Variants in TLL1 observed in about 807,000 individuals in gnomAD.
TLL1 encodes tolloid like 1.
A neutral mutation model predicts 128.2 loss-of-function variants in TLL1; 49 were observed. The observed-to-expected ratio is 0.38, with a 90% CI of 0.30 to 0.48. The LOEUF is 0.48. Ranked by LOEUF, TLL1 falls within the 20% of genes least tolerant of loss-of-function variation. The pLI, the probability that TLL1 is intolerant of heterozygous loss-of-function variation, is 0.96. For synonymous variants in TLL1, 454 were observed against 418.8 expected, an observed-to-expected ratio of 1.08 and a Z score of -1.03; for missense variants, 1,123 against 1,242.0, an observed-to-expected ratio of 0.90 and a Z score of 1.44.
chr4:166,026,687 CA>C (rs952505055), intron 9 of TLL1, among the ~76,000 whole-genome samples: 83 of 136,116 alleles, frequency 6.1e-4, no homozygotes, highest in Admixed American at 8.2e-4. Context: ...AACTCTGTCT[CA>C]AAAAAAAAAA....
At chr4:166,079,633 T>C (rs957094409) in intron 18 of TLL1, among the ~76,000 whole-genome samples, 1 of 152,148 alleles carries the variant, frequency 6.6e-6, no homozygotes, top group Non-Finnish European at 1.5e-5. Context: ...TTCTGTTTAG[T>C]AATTTTTTGG....
At chr4:165,895,431 T>C (rs1007330023) in intron 1 of TLL1, among the ~76,000 whole-genome samples, 2 of 151,958 alleles carry the variant, frequency 1.3e-5, no homozygotes, top group Non-Finnish European at 2.9e-5. Context: ...TAAGGATAAA[T>C]CTTTCAAAGT....
intron 1 of TLL1, among the ~76,000 whole-genome samples, chr4:165,898,849 G>T (rs909675012): frequency 2.6e-5 from 4 of 152,232 alleles, no homozygotes; most frequent in Non-Finnish European, 5.9e-5. Flanking sequence ...CTGTGAATCT[G>T]TCTGGTCCTG....
At chr4:165,897,133 A>T (rs1242954511) in intron 1 of TLL1, among the ~76,000 whole-genome samples, 1 of 152,038 alleles carries the variant, frequency 6.6e-6, no homozygotes, top group East Asian at 1.9e-4. Context: ...GATTCTGAAT[A>T]TTAGCCCTTG....
chr4:166,052,051 A>C (rs527649180), intron 12 of TLL1, among the ~76,000 whole-genome samples: 14 of 152,278 alleles, frequency 9.2e-5, no homozygotes, highest in African/African-American at 2.9e-4. Flanking sequence ...TTGTATATCT[A>C]TTAAAGGAAT....
At chr4:166,041,365 A>G (rs1429186970) in intron 10 of TLL1, among the ~76,000 whole-genome samples, 3 of 146,946 alleles carry the variant, frequency 2.0e-5, no homozygotes, top group Non-Finnish European at 4.5e-5. Context: ...CAGTGGTGCC[A>G]TCTCGGCTCA....
chr4:166,071,962 A>G (rs927377868), intron 16 of TLL1, among the ~76,000 whole-genome samples: 2 of 152,034 alleles, frequency 1.3e-5, no homozygotes, highest in Non-Finnish European at 2.9e-5. Context: ...AGTGCAAAAT[A>G]CCAAAATTTT....
At chr4:165,948,601 G>T (rs571920647) in intron 1 of TLL1, among the ~76,000 whole-genome samples, 1 of 152,110 alleles carries the variant, frequency 6.6e-6, no homozygotes, top group Non-Finnish European at 1.5e-5. Context: ...GCAGTGCAGG[G>T]CCTCACATGG....
chr4:166,036,058 A>G (rs1738983200), intron 9 of TLL1, among the ~76,000 whole-genome samples: 1 of 152,200 alleles, frequency 6.6e-6, no homozygotes, highest in African/African-American at 2.4e-5. Flanking sequence ...TACATTCTGT[A>G]TCTTCAGCCT....
At chr4:165,989,013 C>A (rs1450317116) in intron 1 of TLL1, among the ~76,000 whole-genome samples, 2 of 152,108 alleles carry the variant, frequency 1.3e-5, no homozygotes, top group Non-Finnish European at 2.9e-5. Context: ...TGAAGACCTG[C>A]TGCTGGTCAT....
chr4:165,933,794 G>A (rs17689702), intron 1 of TLL1, among the ~76,000 whole-genome samples: 9,523 of 152,088 alleles, frequency 0.063, 412 homozygotes, highest in East Asian at 0.16. Context: ...CTCCACTTCT[G>A]CTTTTCTTCC....
chr4:166,006,238 C>A (rs945118546), intron 6 of TLL1, among the ~76,000 whole-genome samples: 9 of 151,712 alleles, frequency 5.9e-5, no homozygotes, highest in Non-Finnish European at 1.2e-4. Context: ...AGGAGGCTTG[C>A]CATTTTTAAA....
At chr4:166,081,420 G>T (rs548360787) in intron 18 of TLL1, among the ~76,000 whole-genome samples, 47 of 152,226 alleles carry the variant, frequency 3.1e-4, no homozygotes, top group African/African-American at 1.1e-3. Flanking sequence ...ACCAAGGAAG[G>T]CACTCATGCA....
At chr4:166,054,951 C>T (rs1739933052) in intron 12 of TLL1, 125 bp from the exon 13 acceptor site, 2 of 722,686 alleles carry the variant, frequency 2.8e-6, no homozygotes, top group African/African-American at 3.6e-5. Context: ...TTCAAGTACA[C>T]TCATTTGATA....
At chr4:165,942,466 C>T (rs1437407420) in intron 1 of TLL1, among the ~76,000 whole-genome samples, 1 of 151,900 alleles carries the variant, frequency 6.6e-6, no homozygotes, top group Non-Finnish European at 1.5e-5. Context: ...TGTCTATCTC[C>T]ATGATTGGGT....
At chr4:165,932,553 A>G (rs1190932246) in intron 1 of TLL1, among the ~76,000 whole-genome samples, 1 of 152,160 alleles carries the variant, frequency 6.6e-6, no homozygotes, top group Non-Finnish European at 1.5e-5. Context: ...CTGAGGATGG[A>G]GCTCAGTCAT....
intron 1 of TLL1, among the ~76,000 whole-genome samples, chr4:165,938,033 A>G (rs1156278958): frequency 3.3e-5 from 5 of 151,972 alleles, no homozygotes; most frequent in African/African-American, 9.7e-5. Flanking sequence ...TTCCTAGATT[A>G]TGTATTAACG....
intron 1 of TLL1, among the ~76,000 whole-genome samples, chr4:165,931,712 C>G (rs1187879915): frequency 4.5e-5 from 3 of 67,040 alleles, no homozygotes; most frequent in African/African-American, 1.1e-4. Context: ...GAGTAAGACT[C>G]TGTCTCAAAA....
At chr4:166,025,232 A>G in intron 8 of TLL1, 84 bp from the exon 9 acceptor site, 1 of 1,019,954 alleles carries the variant, frequency 9.8e-7, no homozygotes, top group Non-Finnish European at 1.5e-6. Flanking sequence ...TCTACTACCA[A>G]AAAAACCCTT....
Sources: gnomAD v4.1 joint callset for allele counts (sites outside exome capture counted in the v4.1 genomes callset) on GRCh38, gnomAD v4.1.1 for gene constraint, MANE v1.5 for transcripts, NCBI Gene and HGNC (gene_info 2026-07-23, HGNC 2026-07-21) for gene names.